The following GRIP1 variants were observed in gnomAD, a reference collection of about 807,000 sequenced individuals.
The protein encoded by GRIP1 is glutamate receptor-interacting protein 1.
GRIP1 carries 45 observed loss-of-function variants against 129.9 expected under a neutral mutation model. The observed-to-expected ratio is 0.35, with a 90% CI of 0.27 to 0.44. The LOEUF (loss-of-function observed/expected upper bound fraction) is 0.44. Among genes scored for constraint, GRIP1 ranks in the 20% least tolerant of loss-of-function variants. GRIP1 has a pLI of 1.00. For missense variants in GRIP1, 1,196 were observed against 1,396.8 expected, an observed-to-expected ratio of 0.86 and a Z score of 2.29; for synonymous variants, 530 against 520.8, an observed-to-expected ratio of 1.02 and a Z score of -0.24.
At chr12:66,361,869 A>T (rs540560001) in intron 23 of GRIP1, among the ~76,000 whole-genome samples, 1 of 152,228 alleles carries the variant, frequency 6.6e-6, no homozygotes, top group South Asian at 2.1e-4. Flanking sequence ...ACTCAGGAAC[A>T]TCCTGCAGCT....
intron 1 of GRIP1, among the ~76,000 whole-genome samples, chr12:66,674,267 A>G (rs896297810): frequency 1.8e-4 from 27 of 152,210 alleles, no homozygotes; most frequent in Non-Finnish European, 5.9e-5. Context: ...GGCTAGACAC[A>G]GACAGATGGG....
intron 1 of GRIP1, among the ~76,000 whole-genome samples, chr12:66,977,807 A>AT (rs200381983): frequency 0.051 from 3,089 of 60,084 alleles, 805 homozygotes; most frequent in East Asian, 0.092. Context: ...AGAGCTGAGC[A>AT]TTTTTTTTTT....
chr12:66,555,179 C>A (rs549281402), intron 2 of GRIP1, among the ~76,000 whole-genome samples: 3 of 152,194 alleles, frequency 2.0e-5, no homozygotes, highest in African/African-American at 7.2e-5. Flanking sequence ...CACTCCTTCC[C>A]CATCTCCAGG....
At chr12:67,068,723 T>C (rs1257688040) in intron 1 of GRIP1, among the ~76,000 whole-genome samples, 1 of 108,470 alleles carries the variant, frequency 9.2e-6, no homozygotes, top group Non-Finnish European at 1.8e-5. Flanking sequence ...AGACGGCCGC[T>C]CGGAGCTCCA....
At chr12:67,016,816 A>G (rs1183994552) in intron 1 of GRIP1, among the ~76,000 whole-genome samples, 3 of 152,176 alleles carry the variant, frequency 2.0e-5, no homozygotes. Context: ...GCCCTTTACA[A>G]TATCCCTATA....
intron 11 of GRIP1, among the ~76,000 whole-genome samples, chr12:66,455,038 G>C (rs1200293007): frequency 6.6e-6 from 1 of 152,094 alleles, no homozygotes; most frequent in Non-Finnish European, 1.5e-5. Flanking sequence ...GAATGAGTAA[G>C]AAACTAAGAA....
At chr12:67,057,297 C>T (rs1186891828) in intron 1 of GRIP1, among the ~76,000 whole-genome samples, 2 of 151,978 alleles carry the variant, frequency 1.3e-5, no homozygotes, top group African/African-American at 2.4e-5. Context: ...CTTTCACTCC[C>T]CTCCCCGCTC....
chr12:66,663,854 T>G (rs892064045), intron 1 of GRIP1, among the ~76,000 whole-genome samples: 3 of 152,186 alleles, frequency 2.0e-5, no homozygotes, highest in Non-Finnish European at 4.4e-5. Context: ...TGAAACAACT[T>G]GCGTTTGAAA....
chr12:67,056,658 A>C (rs2043441443), intron 1 of GRIP1, among the ~76,000 whole-genome samples: 1 of 152,212 alleles, frequency 6.6e-6, no homozygotes, highest in Non-Finnish European at 1.5e-5. Context: ...ACTCTCCCCC[A>C]AAATTTTGAA....
At chr12:66,586,536 C>G (rs1359770260) in intron 2 of GRIP1, among the ~76,000 whole-genome samples, 5 of 152,144 alleles carry the variant, frequency 3.3e-5, no homozygotes, top group Non-Finnish European at 7.3e-5. Context: ...CATTGACAAA[C>G]TGAGAGCTTC....
intron 1 of GRIP1, among the ~76,000 whole-genome samples, chr12:67,054,981 C>T (rs745337820): frequency 7.2e-5 from 11 of 152,132 alleles, no homozygotes; most frequent in East Asian, 1.9e-4. Flanking sequence ...GATTGGAAAT[C>T]GGCTACTGGG....
chr12:66,887,736 TA>T (rs2040589270), intron 1 of GRIP1, among the ~76,000 whole-genome samples: 1 of 152,214 alleles, frequency 6.6e-6, no homozygotes, highest in African/African-American at 2.4e-5. Flanking sequence ...CACTTTTCTT[TA>T]AAAACTTTGA....
At chr12:67,031,747 T>A (rs1301031645) in intron 1 of GRIP1, among the ~76,000 whole-genome samples, 1 of 152,184 alleles carries the variant, frequency 6.6e-6, no homozygotes, top group African/African-American at 2.4e-5. Flanking sequence ...AAATGTCTAT[T>A]CCTACGCACT....
chr12:66,722,639 A>T (rs887740535), intron 1 of GRIP1, among the ~76,000 whole-genome samples: 4 of 152,162 alleles, frequency 2.6e-5, no homozygotes, highest in African/African-American at 9.7e-5. Context: ...TAAAAAACAC[A>T]TTTTCTGTGA....
chr12:66,511,197 C>A (rs115216564), intron 7 of GRIP1, among the ~76,000 whole-genome samples: 414 of 152,302 alleles, frequency 2.7e-3, no homozygotes, highest in African/African-American at 9.5e-3. Context: ...CACAAGTTCT[C>A]TTCTCCTGTC....
chr12:67,043,555 C>G (rs1038254348), intron 1 of GRIP1, among the ~76,000 whole-genome samples: 1 of 152,106 alleles, frequency 6.6e-6, no homozygotes, highest in Non-Finnish European at 1.5e-5. Flanking sequence ...TAGCCCAGAG[C>G]AAAAGAGATA....
At chr12:66,610,356 T>C (rs1242519479) in intron 1 of GRIP1, among the ~76,000 whole-genome samples, 1 of 152,084 alleles carries the variant, frequency 6.6e-6, no homozygotes, top group Non-Finnish European at 1.5e-5. Context: ...AGAACAAGTA[T>C]ACATATAAAC....
intron 2 of GRIP1, among the ~76,000 whole-genome samples, chr12:66,572,144 A>G (rs1685635355): frequency 6.6e-6 from 1 of 152,202 alleles, no homozygotes; most frequent in East Asian, 1.9e-4. Context: ...GGCCTTCCTC[A>G]GAAACAGCGG....
intron 7 of GRIP1, among the ~76,000 whole-genome samples, chr12:66,492,688 A>C (rs1384031382): frequency 6.6e-6 from 1 of 152,164 alleles, no homozygotes; most frequent in Admixed American, 6.5e-5. Flanking sequence ...AGGGACAGCA[A>C]ATAAGTTGGA....
Sources: gnomAD v4.1 joint callset for allele counts (sites outside exome capture counted in the v4.1 genomes callset) on GRCh38, gnomAD v4.1.1 for gene constraint, MANE v1.5 for transcripts, NCBI Gene and HGNC (gene_info 2026-07-23, HGNC 2026-07-21) for gene names.